ZNF407: variants seen among roughly 807,000 people sequenced by gnomAD.
ZNF407 encodes the protein zinc finger protein 407.
A neutral mutation model predicts 131.2 loss-of-function variants in ZNF407; 17 were observed. That is an observed-to-expected ratio of 0.13 (90% confidence interval 0.09 to 0.19). The LOEUF is 0.19. ZNF407 is among the 10% of genes least tolerant of loss of function. ZNF407 has a pLI of 1.00. For missense variants in ZNF407, 2,681 were observed against 2,830.6 expected, an observed-to-expected ratio of 0.95 and a Z score of 1.20; for synonymous variants, 1,156 against 1,062.0, an observed-to-expected ratio of 1.09 and a Z score of -1.72.
intron 8 of ZNF407, among the ~76,000 whole-genome samples, chr18:74,964,580 G>GTTTTTTTTTTT (rs35373107): frequency 1.7e-5 from 2 of 118,608 alleles, no homozygotes; most frequent in Non-Finnish European, 3.5e-5. Flanking sequence ...TATCATCCGG[G>GTTTTTTTTTTT]TTTTTTTTTT....
At chr18:74,792,677 CA>C (rs1253032772) in intron 4 of ZNF407, among the ~76,000 whole-genome samples, 1 of 151,956 alleles carries the variant, frequency 6.6e-6, no homozygotes, top group Non-Finnish European at 1.5e-5. Context: ...TCAATGTGTT[CA>C]AAAGATAGAA....
chr18:74,746,953 A>AT (rs1968683625), intron 3 of ZNF407, among the ~76,000 whole-genome samples: 1 of 152,194 alleles, frequency 6.6e-6, no homozygotes, highest in Admixed American at 6.6e-5. Flanking sequence ...GCAAAGCTTT[A>AT]TTTATAGCAG....
chr18:74,860,559 CATA>C (rs1568244816), intron 4 of ZNF407, among the ~76,000 whole-genome samples: 2 of 151,314 alleles, frequency 1.3e-5, no homozygotes, highest in African/African-American at 4.8e-5. Flanking sequence ...TCAGCAAGTT[CATA>C]ATATTTATAC....
chr18:74,622,373 C>G (rs902055604), intron 1 of ZNF407, among the ~76,000 whole-genome samples: 6 of 152,218 alleles, frequency 3.9e-5, no homozygotes, highest in Non-Finnish European at 1.5e-5. Context: ...TTGCCTCTTA[C>G]CTTGCGCAGC....
At chr18:74,995,325 A>G (rs928486087) in intron 8 of ZNF407, among the ~76,000 whole-genome samples, 4 of 150,686 alleles carry the variant, frequency 2.7e-5, no homozygotes, top group Non-Finnish European at 2.9e-5. Context: ...GAGAGTGGCC[A>G]GAGGGTCACA....
chr18:74,980,137 T>C (rs1443489031), intron 8 of ZNF407, among the ~76,000 whole-genome samples: 1 of 152,220 alleles, frequency 6.6e-6, no homozygotes, highest in Admixed American at 6.5e-5. Context: ...GAAAGAAGGC[T>C]GTTTTTAACA....
intron 8 of ZNF407, among the ~76,000 whole-genome samples, chr18:74,922,858 A>C (rs957839287): frequency 6.6e-6 from 1 of 152,166 alleles, no homozygotes; most frequent in South Asian, 2.1e-4. Context: ...ATGGGCTCCA[A>C]CTTAAGCTTG....
chr18:74,890,927 T>C (rs1205483421), intron 7 of ZNF407, among the ~76,000 whole-genome samples: 1 of 152,176 alleles, frequency 6.6e-6, no homozygotes, highest in Non-Finnish European at 1.5e-5. Flanking sequence ...ATGTTAGTGC[T>C]GAAAGCATCT....
chr18:74,935,275 T>C (rs1424974503), intron 8 of ZNF407, among the ~76,000 whole-genome samples: 1 of 152,232 alleles, frequency 6.6e-6, no homozygotes, highest in East Asian at 1.9e-4. Flanking sequence ...CTCATAACTC[T>C]TCTCATTTAT....
intron 3 of ZNF407, among the ~76,000 whole-genome samples, chr18:74,755,892 T>TCC (rs1968948383): frequency 3.1e-5 from 2 of 64,052 alleles, no homozygotes; most frequent in African/African-American, 1.4e-4. Context: ...TTCCTTTTTT[T>TCC]TTTTTTTTTT....
At chr18:74,842,445 A>G (rs1443862486) in intron 4 of ZNF407, among the ~76,000 whole-genome samples, 2 of 152,216 alleles carry the variant, frequency 1.3e-5, no homozygotes, top group South Asian at 2.1e-4. Context: ...AATCTTTTTA[A>G]TAATGATTTA....
intron 2 of ZNF407, among the ~76,000 whole-genome samples, chr18:74,636,103 A>G (rs1984450399): frequency 6.6e-6 from 1 of 152,194 alleles, no homozygotes; most frequent in Non-Finnish European, 1.5e-5. Flanking sequence ...GGAGTAATCA[A>G]ATTTTCTTAC....
chr18:74,963,537 A>G (rs993984515), intron 8 of ZNF407, among the ~76,000 whole-genome samples: 1 of 152,208 alleles, frequency 6.6e-6, no homozygotes, highest in Non-Finnish European at 1.5e-5. Context: ...GTTACAAAAC[A>G]ATTTATAAAG....
chr18:74,873,389 C>T (rs775945050), intron 4 of ZNF407, among the ~76,000 whole-genome samples: 2 of 152,132 alleles, frequency 1.3e-5, no homozygotes, highest in Non-Finnish European at 2.9e-5. Flanking sequence ...GCTGAACACC[C>T]TGGCTTGCAC....
At chr18:74,655,414 A>C (rs959649873) in intron 3 of ZNF407, among the ~76,000 whole-genome samples, 5 of 152,114 alleles carry the variant, frequency 3.3e-5, no homozygotes, top group Admixed American at 3.3e-4. Context: ...GAAAAAATAT[A>C]CATTACCTTA....
chr18:74,783,608 T>G (rs1969649505), intron 4 of ZNF407, among the ~76,000 whole-genome samples: 2 of 152,134 alleles, frequency 1.3e-5, no homozygotes, highest in South Asian at 4.1e-4. Flanking sequence ...TTCTTTTCTT[T>G]AATATTTATT....
intron 8 of ZNF407, among the ~76,000 whole-genome samples, chr18:75,060,570 G>T (rs557818151): frequency 6.7e-6 from 1 of 150,048 alleles, no homozygotes; most frequent in South Asian, 2.1e-4. Context: ...CGATGGCGCG[G>T]TCTCGGCTCA....
At chr18:74,810,100 G>T (rs1425756735) in intron 4 of ZNF407, among the ~76,000 whole-genome samples, 3 of 152,202 alleles carry the variant, frequency 2.0e-5, no homozygotes, top group Non-Finnish European at 2.9e-5. Context: ...AGTTGTATGT[G>T]TAATTGTAGA....
intron 8 of ZNF407, among the ~76,000 whole-genome samples, chr18:75,012,316 T>TA (rs1568300470): frequency 9.8e-6 from 1 of 101,798 alleles, no homozygotes; most frequent in Non-Finnish European, 2.2e-5. Flanking sequence ...ACATAGTGTA[T>TA]GTACACATAG....
Sources: allele counts gnomAD v4.1 joint callset (sites outside exome capture counted in the v4.1 genomes callset), GRCh38; gene constraint gnomAD v4.1.1; transcripts MANE v1.5; gene names NCBI Gene and HGNC (gene_info 2026-07-23, HGNC 2026-07-21).